Variants in HECTD4 observed in about 807,000 individuals in gnomAD.
HECTD4 encodes the protein probable E3 ubiquitin-protein ligase HECTD4.
HECTD4 carries 114 observed loss-of-function variants against 471.5 expected under a neutral mutation model. The ratio of observed to expected loss-of-function variants is 0.24; its 90% confidence interval spans 0.21 to 0.28. HECTD4 has a LOEUF of 0.28. HECTD4 is among the 10% of genes least tolerant of loss of function. HECTD4 has a pLI of 1.00. For missense variants in HECTD4, 3,866 were observed against 5,651.5 expected (o/e 0.68, Z 10.13); for synonymous variants, 2,012 against 2,256.0 (o/e 0.89, Z 3.07).
At chr12:112,307,343 T>C (rs577120077) in intron 6 of HECTD4, among the ~76,000 whole-genome samples, 64 of 152,352 alleles carry the variant, frequency 4.2e-4, no homozygotes, top group African/African-American at 1.4e-3. Flanking sequence ...TGACAGCTAC[T>C]AATTGGCCTG....
At chr12:112,324,207 CCAGGCT>C (rs2035695845) in intron 1 of HECTD4, among the ~76,000 whole-genome samples, 1 of 149,638 alleles carries the variant, frequency 6.7e-6, no homozygotes, top group Admixed American at 6.7e-5. Context: ...CTCAAGCTTC[CCAGGCT>C]CAGGTGGTCA....
intron 7 of HECTD4, among the ~76,000 whole-genome samples, chr12:112,300,525 A>G (rs2035142546): frequency 2.0e-5 from 3 of 152,218 alleles, no homozygotes; most frequent in African/African-American, 7.2e-5. Flanking sequence ...TGGTGTGGGC[A>G]TTTTGCATTA....
At chr12:112,328,209 G>A (rs963759639) in intron 1 of HECTD4, among the ~76,000 whole-genome samples, 4 of 152,010 alleles carry the variant, frequency 2.6e-5, no homozygotes, top group African/African-American at 2.4e-5. Context: ...TGCAATCTCA[G>A]CTTACTGCAA....
intron 12 of HECTD4, 114 bp from the exon 13 acceptor site, chr12:112,269,963 G>A (rs2034378711): frequency 1.1e-6 from 1 of 922,908 alleles, no homozygotes. Context: ...GGTGGATTTT[G>A]TTTAACCACA....
intron 1 of HECTD4, among the ~76,000 whole-genome samples, chr12:112,380,733 AC>A (rs1422640819): frequency 6.6e-6 from 1 of 152,184 alleles, no homozygotes; most frequent in Non-Finnish European, 1.5e-5. Flanking sequence ...TGCTGAAGCA[AC>A]CGCAAATCCA....
chr12:112,305,659 C>T (rs933649772), intron 7 of HECTD4, among the ~76,000 whole-genome samples: 1 of 152,058 alleles, frequency 6.6e-6, no homozygotes, highest in Non-Finnish European at 1.5e-5. Flanking sequence ...ACTTGGCTCT[C>T]AGTGAGCATT....
At chr12:112,310,777 A>AT (rs1426878552) in intron 4 of HECTD4, among the ~76,000 whole-genome samples, 2 of 152,202 alleles carry the variant, frequency 1.3e-5, no homozygotes, top group African/African-American at 4.8e-5. Context: ...TATAGATTAC[A>AT]TTTATTCATC....
At chr12:112,224,391 C>T (rs895511885) in intron 44 of HECTD4, among the ~76,000 whole-genome samples, 4 of 151,860 alleles carry the variant, frequency 2.6e-5, no homozygotes, top group East Asian at 1.9e-4. Flanking sequence ...CTCAGCCTCC[C>T]GAGTAGCTGG....
At position 112,256,431 on chromosome 12, in the gene HECTD4, G is replaced by T; in HGVS notation, c.3216C>A (p.Val1072=). 6.2e-7 allele frequency: 1 copy of T among 1,613,038 alleles called. No homozygotes were observed. ...ATTTATAGTTGTCTCTGACGGGGTG[G>T]ACTGTTTCCACAGTCTTTCCAGCAG... ...PWAAGKTVET[V]HPVRDNYKFK... The change falls in exon 21 of 76, where the codon GTC becomes GTA. Residue 1072 remains valine, a synonymous_variant. Transcript: ENST00000682272.
intron 15 of HECTD4, among the ~76,000 whole-genome samples, 171 bp from the exon 16 acceptor site, chr12:112,265,466 T>A (rs1372361745): frequency 6.6e-6 from 1 of 152,194 alleles, no homozygotes; most frequent in Non-Finnish European, 1.5e-5. Flanking sequence ...ATCAAACTTA[T>A]AGAAATCAAA....
In HECTD4 at chr12:112,193,068, G is replaced by C; in HGVS notation, c.9079C>G (p.Arg3027Gly). 6.2e-7 allele frequency: 1 copy of C among 1,613,956 alleles called. No individual in the cohort carries two copies. Among genetic ancestry groups the C allele is most frequent in the South Asian group, 1.1e-5 (1 of 91,076 alleles). ...TGAGAACAGGCAACTTACTCTTTGCGGAATCCAGATTGACTTTCTTTACAA... is the reference window on the plus strand; with the variant it reads ...TGAGAACAGGCAACTTACTCTTTGCCGAATCCAGATTGACTTTCTTTACAA... ...VSCKESQSGFRKDSSLYKAPW... is the reference protein window; with the variant it reads ...VSCKESQSGFGKDSSLYKAPW... Residue 3027 changes from arginine to glycine, a missense_variant, in exon 58 of 76, where the codon CGC becomes GGC. By Grantham distance (125) the Arg-to-Gly change is moderately radical (BLOSUM62 -2). This residue lies in a region of HECTD4 where 364 missense variants were observed against 413.2 expected (regional missense o/e 0.88). Coordinates refer to ENST00000682272, the MANE Select transcript of HECTD4 (RefSeq NM_001388303.1). The surrounding 1 kb of genome is among the most constrained non-coding windows in gnomAD (Gnocchi z 5.2).
Position 112,184,505 on chromosome 12 carries a change from G to C in HECTD4, c.10461C>G (p.Ala3487=). Residue 3487 remains alanine, a synonymous_variant, in exon 61 of 76, where the codon GCC becomes GCG. Transcript: ENST00000682272. The surrounding 1 kb of genome is among the most constrained non-coding windows in gnomAD (Gnocchi z 9.1). ...TGCAGATGGAGGCCTGGCTGGTGGAGGCGGAGGCGCTGATGCTCATGGCGG... is the reference window on the plus strand; with the variant it reads ...TGCAGATGGAGGCCTGGCTGGTGGACGCGGAGGCGCTGATGCTCATGGCGG... ...LTPAMSISAS[A]STSQASICSS... 6.2e-7 allele frequency: 1 copy of C among 1,610,320 alleles called. No homozygotes were observed. Among genetic ancestry groups the C allele is most frequent in the Non-Finnish European group, 8.5e-7 (1 of 1,178,796 alleles).
chr12:112,237,562 C>T lies in HECTD4; in HGVS notation c.5291-464G>A, dbSNP rs114250164. On this transcript the variant is annotated intron_variant, in intron 34 of 75. Coordinates refer to ENST00000682272, the MANE Select transcript of HECTD4 (RefSeq NM_001388303.1). ...TTTTAGATCGCTGAGTCTACACACG[C>T]TGTTTGTTCTGCTCGAAAGTATTCT... Among the ~76,000 whole-genome samples the T allele has an allele frequency of 8.0e-3, 1,217 of 152,286 alleles. 14 individuals are homozygous for T. Among genetic ancestry groups the T allele is most frequent in the African/African-American group, 0.028 (1,169 of 41,548 alleles).
chr12:112,224,851 A>G (rs1259554888), intron 44 of HECTD4, among the ~76,000 whole-genome samples: 1 of 152,228 alleles, frequency 6.6e-6, no homozygotes, highest in Admixed American at 6.5e-5. Flanking sequence ...ATATAAGAGG[A>G]TACCCAGAAA....
chr12:112,331,229 C>T (rs1045681825), intron 1 of HECTD4, among the ~76,000 whole-genome samples: 12 of 152,146 alleles, frequency 7.9e-5, no homozygotes, highest in African/African-American at 2.7e-4. Context: ...TGCCACCACG[C>T]CCAGCTATTT....
At chr12:112,303,086 G>A (rs2035198108) in intron 7 of HECTD4, among the ~76,000 whole-genome samples, 1 of 151,754 alleles carries the variant, frequency 6.6e-6, no homozygotes, top group African/African-American at 2.4e-5. Context: ...TCACCAGGGA[G>A]GCAAGTCTTT....
At chr12:112,355,347 G>GCTA (rs1286946563) in intron 1 of HECTD4, among the ~76,000 whole-genome samples, 1 of 149,236 alleles carries the variant, frequency 6.7e-6, no homozygotes, top group Admixed American at 6.7e-5. Context: ...TGTAATCCCA[G>GCTA]CTACTCGGGA....
intron 1 of HECTD4, among the ~76,000 whole-genome samples, chr12:112,320,047 G>C (rs2035552872): frequency 6.6e-6 from 1 of 152,092 alleles, no homozygotes; most frequent in Admixed American, 6.5e-5. Flanking sequence ...GAAAATTGAA[G>C]TATAAAGCCA....
In HECTD4 at chr12:112,161,248, G is replaced by A. The variant is rs1244451702; in HGVS notation, c.*1139C>T. 1 of 117,110 alleles carries A rather than the reference G, an allele frequency of 8.5e-6. No homozygotes were observed. The highest frequency in any genetic ancestry group is 1.6e-5 in the Non-Finnish European group (1 of 63,014). The allele number at this position is 117,110 out of a possible 1,614,324, so 7.3% of individuals were successfully genotyped here. A position where few individuals can be genotyped will look rare whatever the true frequency, so the allele number is the denominator to read the frequency against. On this transcript the variant is annotated 3_prime_UTR_variant, in exon 76 of 76. Transcript: ENST00000682272. ...GTACCACTGGACAAAGACCTATTTGGGGCAAAGATGCAGTGGGTGAGCCTG... is the reference window on the plus strand; with the variant it reads ...GTACCACTGGACAAAGACCTATTTGAGGCAAAGATGCAGTGGGTGAGCCTG...
Sources: allele counts gnomAD v4.1 joint callset (sites outside exome capture counted in the v4.1 genomes callset), GRCh38; gene constraint gnomAD v4.1.1; regional missense constraint gnomAD v4.1.1; non-coding constraint Gnocchi (gnomAD v3.1); transcripts MANE v1.5; gene names NCBI Gene and HGNC (gene_info 2026-07-23, HGNC 2026-07-21).